Variants in TRIO observed in about 807,000 individuals in gnomAD.
TRIO encodes the protein triple functional domain protein.
Under a neutral mutation model 351.9 loss-of-function variants are expected in TRIO, and 58 were observed. That is an observed-to-expected ratio of 0.16 (90% CI 0.13 to 0.21). TRIO has a LOEUF of 0.21. Ranked by LOEUF, TRIO falls within the 10% of genes least tolerant of loss-of-function variation. TRIO has a pLI of 1.00. For synonymous variants in TRIO, 1,758 were observed against 1,595.7 expected (o/e 1.10, Z -2.42); for missense variants, 3,201 against 4,027.8 (o/e 0.79, Z 5.56).
rs573060787 is a variant in TRIO, at chr5:14,482,702, A to G, written c.6586A>G (p.Ile2196Val). The change falls in exon 46 of 57, where the codon ATA becomes GTA. Residue 2196 changes from isoleucine to valine, a missense_variant. Ile to Val is a conservative substitution (Grantham distance 29, BLOSUM62 3). This residue lies in a region of TRIO where 1,089 missense variants were observed against 954.9 expected (regional missense o/e 1.14). Coordinates refer to ENST00000344204, the MANE Select transcript of TRIO (RefSeq NM_007118.4). ...CATCTTCCTCTTTGAGCAGATCGTC[A>G]TATTCAGCGAACCACTTGATAAAAA... is the stretch of plus-strand genomic sequence containing the variant. ...RRIFLFEQIV[I>V]FSEPLDKKKG... The G allele has an allele frequency of 1.2e-6, 2 of 1,611,608 alleles. No individual in the cohort carries two copies. The highest frequency in any genetic ancestry group is 3.3e-5 in the Admixed American group (2 of 59,824).
At chr5:14,175,382 T>C (rs1789346026) in intron 1 of TRIO, among the ~76,000 whole-genome samples, 1 of 152,264 alleles carries the variant, frequency 6.6e-6, no homozygotes, top group Non-Finnish European at 1.5e-5. Context: ...TAGAACTTCT[T>C]TGTCCCTTTC....
At chr5:14,307,799 A>T (rs1738509556) in intron 8 of TRIO, among the ~76,000 whole-genome samples, 1 of 152,200 alleles carries the variant, frequency 6.6e-6, no homozygotes, top group Non-Finnish European at 1.5e-5. Flanking sequence ...TGTGATGATG[A>T]TCACCTATTT....
In TRIO at chr5:14,509,646, C is replaced by G; in HGVS notation, c.*1224C>G. Reference sequence around the variant, plus strand: ...GTTGAACTTTCTGTATAAAAATTGGCTGGGTTTTGAGCTTTTGGTAAGAAA... The same window carrying G: ...GTTGAACTTTCTGTATAAAAATTGGGTGGGTTTTGAGCTTTTGGTAAGAAA... On this transcript the variant is annotated 3_prime_UTR_variant, in exon 57 of 57. Coordinates refer to ENST00000344204, the MANE Select transcript of TRIO (RefSeq NM_007118.4). 2 of 328,364 alleles carry G rather than the reference C, an allele frequency of 6.1e-6. No individual in the cohort carries two copies. The highest frequency in any genetic ancestry group is 1.1e-3 in the Middle Eastern group (1 of 908). The allele number at this position is 328,364 out of a possible 1,614,324, so 20.3% of individuals were successfully genotyped here.
At chr5:14,356,129 TTTC>T (rs1743591631) in intron 11 of TRIO, among the ~76,000 whole-genome samples, 1 of 152,178 alleles carries the variant, frequency 6.6e-6, no homozygotes, top group Non-Finnish European at 1.5e-5. Flanking sequence ...TGCCAGCACT[TTTC>T]TTATTTTAAA....
intron 34 of TRIO, among the ~76,000 whole-genome samples, chr5:14,455,463 CA>C (rs1753212542): frequency 6.6e-6 from 1 of 152,050 alleles, no homozygotes; most frequent in Admixed American, 6.5e-5. Flanking sequence ...TTAAGCTAGA[CA>C]CAGGGTGCTG....
At chr5:14,243,957 G>C (rs1328805884) in intron 1 of TRIO, among the ~76,000 whole-genome samples, 2 of 152,216 alleles carry the variant, frequency 1.3e-5, no homozygotes, top group East Asian at 3.8e-4. Flanking sequence ...TGGCAGAAGG[G>C]CTCCTCTTAG....
chr5:14,479,374 A>C (rs758972086), intron 42 of TRIO, 24 bp downstream of exon 42: 1 of 1,562,056 alleles, frequency 6.4e-7, no homozygotes, highest in South Asian at 1.2e-5. Context: ...TACAAACAGA[A>C]AGTATTTCTG....
At chr5:14,164,933 G>T (rs1788679964) in intron 1 of TRIO, among the ~76,000 whole-genome samples, 1 of 152,190 alleles carries the variant, frequency 6.6e-6, no homozygotes, top group Non-Finnish European at 1.5e-5. Context: ...GGAACCCTGG[G>T]TCTGGAACAG....
At chr5:14,322,106 CAG>C (rs1739942967) in intron 9 of TRIO, among the ~76,000 whole-genome samples, 1 of 152,158 alleles carries the variant, frequency 6.6e-6, no homozygotes, top group African/African-American at 2.4e-5. Context: ...GTGAGGACCA[CAG>C]AGACAGCCAT....
chr5:14,219,686 C>T (rs1029516268), intron 1 of TRIO, among the ~76,000 whole-genome samples: 3 of 152,130 alleles, frequency 2.0e-5, no homozygotes, highest in Non-Finnish European at 2.9e-5. Context: ...CCTGTGAAAA[C>T]GCAGAATCCT....
chr5:14,358,052 G>A, intron 11 of TRIO, 126 bp from the exon 12 acceptor site: 4 of 1,189,894 alleles, frequency 3.4e-6, no homozygotes, highest in Non-Finnish European at 4.6e-6. Context: ...TCCGGGAGTG[G>A]TCTGTCACCA....
At position 14,405,889 on chromosome 5, in the gene TRIO, C is replaced by A; in HGVS notation, c.4758C>A (p.Ile1586=). The part of the protein sequence containing the change: ...IENKQDWIKH[I]REVIQERTIH... Reference sequence around the variant, plus strand: ...ACAAGCAGGACTGGATAAAGCATATCCGCGAAGTCATCCAGGAGCGGACGA... The same window carrying A: ...ACAAGCAGGACTGGATAAAGCATATACGCGAAGTCATCCAGGAGCGGACGA... Residue 1586 remains isoleucine (I), a synonymous_variant, in exon 32 of 57, where the codon ATC becomes ATA. Transcript: ENST00000344204. The A allele has an allele frequency of 6.2e-7, 1 of 1,613,974 alleles. No homozygotes were observed. The highest frequency in any genetic ancestry group is 1.3e-5 in the African/African-American group (1 of 74,980).
At chr5:14,394,375 G>A (rs150340890) in intron 28 of TRIO, among the ~76,000 whole-genome samples, 115 of 152,278 alleles carry the variant, frequency 7.6e-4, no homozygotes, top group African/African-American at 2.6e-3. Flanking sequence ...GAAATCATCA[G>A]TTCTTGATAT....
chr5:14,442,935 C>A (rs1449440148), intron 34 of TRIO, among the ~76,000 whole-genome samples: 1 of 152,162 alleles, frequency 6.6e-6, no homozygotes, highest in African/African-American at 2.4e-5. Context: ...TCATAAACAT[C>A]CCCAAAGTTT....
At chr5:14,343,104 AAAGAG>A (rs1176474045) in intron 11 of TRIO, among the ~76,000 whole-genome samples, 1 of 151,458 alleles carries the variant, frequency 6.6e-6, no homozygotes, top group Non-Finnish European at 1.5e-5. Flanking sequence ...AAAAAAAAAA[AAAGAG>A]AGAGAAATGG....
At chr5:14,405,569 G>A (rs1748632031) in intron 31 of TRIO, among the ~76,000 whole-genome samples, 1 of 152,194 alleles carries the variant, frequency 6.6e-6, no homozygotes, top group South Asian at 2.1e-4. Flanking sequence ...TTTGCCCAGG[G>A]CTGCTTAAAA....
At chr5:14,318,700 C>T (rs1739600523) in intron 9 of TRIO, among the ~76,000 whole-genome samples, 3 of 152,184 alleles carry the variant, frequency 2.0e-5, no homozygotes, top group African/African-American at 7.2e-5. Context: ...ATTGAGAGGA[C>T]AGACATTGTG....
Position 14,485,065 on chromosome 5 carries a change from TAAGGTGAG to T in TRIO, c.6658-3_6662del. ...ATTATGAATAATGTTTTTTTTTTTTTAAGGTGAGTTGCCTTTGCCTGGAGGAAAATGTG... is the reference window on the plus strand; with the variant it reads ...ATTATGAATAATGTTTTTTTTTTTTTTTGCCTTTGCCTGGAGGAAAATGTG... On this transcript the variant is annotated splice_acceptor_variant and splice_polypyrimidine_tract_variant and coding_sequence_variant and intron_variant, in exon 47 of 57. Transcript: ENST00000344204. LOFTEE classifies it high-confidence loss of function. 1.3e-6 allele frequency: 2 copies of T among 1,525,668 alleles called. No individual in the cohort carries two copies. The highest frequency in any genetic ancestry group is 1.4e-5 in the African/African-American group (1 of 71,606). 94.5% of individuals were successfully genotyped at this position (1,525,668 alleles called of 1,614,324 possible). A position where few individuals can be genotyped will look rare whatever the true frequency, so the allele number is the denominator to read the frequency against.
At chr5:14,319,994 A>G (rs1180613835) in intron 9 of TRIO, among the ~76,000 whole-genome samples, 3 of 152,154 alleles carry the variant, frequency 2.0e-5, no homozygotes, top group Non-Finnish European at 2.9e-5. Context: ...CGTGCTTCCA[A>G]TTTAGAGCTG....
Sources: allele counts gnomAD v4.1 joint callset (sites outside exome capture counted in the v4.1 genomes callset), GRCh38; gene constraint gnomAD v4.1.1; regional missense constraint gnomAD v4.1.1; transcripts MANE v1.5; gene names NCBI Gene and HGNC (gene_info 2026-07-23, HGNC 2026-07-21).